Variants in LRRC14 observed in about 807,000 individuals in gnomAD.
LRRC14 encodes leucine-rich repeat-containing protein 14.
A neutral mutation model predicts 25.3 loss-of-function variants in LRRC14; 16 were observed. That is an observed-to-expected ratio of 0.63 (90% CI 0.43 to 0.96). LRRC14 has a LOEUF of 0.96. Ranked by LOEUF, LRRC14 falls within the 40% of genes least tolerant of loss-of-function variation. The pLI, the probability that LRRC14 is intolerant of heterozygous loss-of-function variation, is 0.00. For missense variants in LRRC14, 594 were observed against 660.5 expected, an observed-to-expected ratio of 0.90 and a Z score of 1.10; for synonymous variants, 359 against 295.1, an observed-to-expected ratio of 1.22 and a Z score of -2.22.
chr8:144,522,384 A>C lies in LRRC14; in HGVS notation c.*906A>C, dbSNP rs925940231. 1.5e-6 allele frequency: 2 copies of C among 1,360,930 alleles called. No homozygotes were observed. The highest frequency in any genetic ancestry group is 1.7e-5 in the South Asian group (1 of 57,262). 84.3% of individuals were successfully genotyped at this position (1,360,930 alleles called of 1,614,324 possible). A position where few individuals can be genotyped will look rare whatever the true frequency, so the allele number is the denominator to read the frequency against. On this transcript the variant is annotated 3_prime_UTR_variant, in exon 4 of 4. Coordinates refer to ENST00000292524, the MANE Select transcript of LRRC14 (RefSeq NM_014665.4). ...TCGCGCCCCACACACGGCTCAGCGC[A>C]CACTGCGCGGCTTCCACCTTTACTG...
In LRRC14 at chr8:144,524,317, C is replaced by A; in HGVS notation, c.*2839C>A. On this transcript the variant is annotated 3_prime_UTR_variant, in exon 4 of 4. Transcript: ENST00000292524. ...AGCAGATCGTGAGGAAAAAGGGCGC[C>A]GAGGTTGGGGGCATGTCTCTCTTCT... 6.2e-7 allele frequency: 1 copy of A among 1,604,466 alleles called. No homozygotes were observed. Among genetic ancestry groups the A allele is most frequent in the South Asian group, 1.1e-5 (1 of 91,036 alleles).
In LRRC14 at chr8:144,521,705, G is replaced by C. The variant is rs1472478683; in HGVS notation, c.*227G>C. ...TGGCTGATCATCTGTGGGCCCCGGG[G>C]CTGGATGTCAGGCCTCCATTGCCCT... is the stretch of plus-strand genomic sequence containing the variant. On this transcript the variant is annotated 3_prime_UTR_variant, in exon 4 of 4. Transcript: ENST00000292524. 8 of 569,806 alleles carry C rather than the reference G, an allele frequency of 1.4e-5. No individual in the cohort carries two copies. The highest frequency in any genetic ancestry group is 2.5e-5 in the Non-Finnish European group (8 of 321,264). The allele number at this position is 569,806 out of a possible 1,614,324, so 35.3% of individuals were successfully genotyped here. A position where few individuals can be genotyped will look rare whatever the true frequency, so the allele number is the denominator to read the frequency against.
chr8:144,524,759 G>A lies in LRRC14; in HGVS notation c.*3281G>A. Reference sequence around the variant, plus strand: ...AAGAGGAGGCGCTTACCCCGTTGCGGGGGTCTTCCTCTCCCTGGGGGCACC... The same window carrying A: ...AAGAGGAGGCGCTTACCCCGTTGCGAGGGTCTTCCTCTCCCTGGGGGCACC... On this transcript the variant is annotated 3_prime_UTR_variant, in exon 4 of 4. Transcript: ENST00000292524. The A allele has an allele frequency of 5.6e-6, 8 of 1,434,324 alleles. No homozygotes were observed. Among genetic ancestry groups the A allele is most frequent in the Non-Finnish European group, 7.3e-6 (8 of 1,099,570 alleles). 88.8% of individuals were successfully genotyped at this position (1,434,324 alleles called of 1,614,324 possible). A position where few individuals can be genotyped will look rare whatever the true frequency, so the allele number is the denominator to read the frequency against.
In LRRC14 at chr8:144,522,229, G is replaced by T; in HGVS notation, c.*751G>T. On this transcript the variant is annotated 3_prime_UTR_variant, in exon 4 of 4. Transcript: ENST00000292524. ...CCTACTGTGGCCGGCCAGGGCCAGC[G>T]AGGGACCCCCCCCATGCAGAGCTGG... 1 of 458,558 alleles carries T rather than the reference G, an allele frequency of 2.2e-6. No homozygotes were observed. The highest frequency in any genetic ancestry group is 3.5e-6 in the Non-Finnish European group (1 of 286,818). 28.4% of individuals were successfully genotyped at this position (458,558 alleles called of 1,614,324 possible). A position where few individuals can be genotyped will look rare whatever the true frequency, so the allele number is the denominator to read the frequency against.
rs1586855602 is a variant in LRRC14, at chr8:144,523,999, C to A, written c.*2521C>A. On this transcript the variant is annotated 3_prime_UTR_variant, in exon 4 of 4. Transcript: ENST00000292524. ...AGTGTGGCTGCAGGCGGTGGTGCAG[C>A]CTTCCAGACTGCTGCCCAGTTGCCT... The A allele has an allele frequency of 7.7e-7, 1 of 1,297,340 alleles. No homozygotes were observed. The allele number at this position is 1,297,340 out of a possible 1,614,324, so 80.4% of individuals were successfully genotyped here. A position where few individuals can be genotyped will look rare whatever the true frequency, so the allele number is the denominator to read the frequency against.
Position 144,521,533 on chromosome 8 carries a change from G to A in LRRC14, c.*55G>A, listed in dbSNP as rs575595209. On this transcript the variant is annotated 3_prime_UTR_variant, in exon 4 of 4. Transcript: ENST00000292524. ...CCCTGCAGTCTCTTTAGGTAGGCAG[G>A]GCCTTTGCTGGGACCCCTGGTGGAG... 1.3e-6 allele frequency: 2 copies of A among 1,507,040 alleles called. No homozygotes were observed. Among genetic ancestry groups the A allele is most frequent in the East Asian group, 4.6e-5 (2 of 43,044 alleles). 93.4% of individuals were successfully genotyped at this position (1,507,040 alleles called of 1,614,324 possible). A position where few individuals can be genotyped will look rare whatever the true frequency, so the allele number is the denominator to read the frequency against.
chr8:144,522,240 C>G lies in LRRC14; in HGVS notation c.*762C>G, dbSNP rs1386052703. On this transcript the variant is annotated 3_prime_UTR_variant, in exon 4 of 4. Transcript: ENST00000292524. Reference sequence around the variant, plus strand: ...CGGCCAGGGCCAGCGAGGGACCCCCCCCATGCAGAGCTGGAGGTTGGGGTG... The same window carrying G: ...CGGCCAGGGCCAGCGAGGGACCCCCGCCATGCAGAGCTGGAGGTTGGGGTG... The G allele has an allele frequency of 7.7e-6, 4 of 519,440 alleles. No homozygotes were observed. Among genetic ancestry groups the G allele is most frequent in the Non-Finnish European group, 1.2e-5 (4 of 326,174 alleles). 32.2% of individuals were successfully genotyped at this position (519,440 alleles called of 1,614,324 possible). A position where few individuals can be genotyped will look rare whatever the true frequency, so the allele number is the denominator to read the frequency against.
At chr8:144,519,015 G>A (rs35904477) in intron 1 of LRRC14, among the ~76,000 whole-genome samples, 27 of 152,370 alleles carry the variant, frequency 1.8e-4, no homozygotes, top group Middle Eastern at 3.4e-3. Flanking sequence ...GGTGAGGGTT[G>A]CTTTCTTTCG....
Position 144,521,258 on chromosome 8 carries a change from C to A in LRRC14, c.1262C>A (p.Ala421Asp). 6.2e-7 allele frequency: 1 copy of A among 1,613,220 alleles called. No individual in the cohort carries two copies. The highest frequency in any genetic ancestry group is 8.5e-7 in the Non-Finnish European group (1 of 1,180,034). The change falls in exon 4 of 4, where the codon GCT becomes GAT. Residue 421 changes from alanine (A) to aspartate (D), a missense_variant. Ala to Asp is a moderately radical substitution (Grantham distance 126, BLOSUM62 -2). Coordinates refer to ENST00000292524, the MANE Select transcript of LRRC14 (RefSeq NM_014665.4). ...CTGCTGCGGGACTCAGTGGCACAGG[C>A]TGAGCTGCGTACTGTGGTGCACCCC... ...KELLRDSVAQ[A>D]ELRTVVHPFP...
intron 1 of LRRC14, chr8:144,518,854 G>C (rs1815691126): frequency 6.6e-6 from 1 of 152,316 alleles, no homozygotes; most frequent in Admixed American, 6.5e-5. Flanking sequence ...CATCTCTGCA[G>C]CTTGGGTGCT....
chr8:144,518,003 T>G lies in LRRC14; in HGVS notation c.-150T>G. On this transcript the variant is annotated 5_prime_UTR_variant, in exon 1 of 4. Coordinates refer to ENST00000292524, the MANE Select transcript of LRRC14 (RefSeq NM_014665.4). ...GCCGGGCGGGGAGCGGCGGACGGTCTAGGCGGGGCTGGAGGCGGTGGCTGC... is the reference window on the plus strand; with the variant it reads ...GCCGGGCGGGGAGCGGCGGACGGTCGAGGCGGGGCTGGAGGCGGTGGCTGC... The G allele has an allele frequency of 8.9e-6, 2 of 224,984 alleles. No individual in the cohort carries two copies. The highest frequency in any genetic ancestry group is 1.1e-4 in the East Asian group (1 of 8,832). 13.9% of individuals were successfully genotyped at this position (224,984 alleles called of 1,614,324 possible). A position where few individuals can be genotyped will look rare whatever the true frequency, so the allele number is the denominator to read the frequency against.
In LRRC14 at chr8:144,519,515, G is replaced by A. The variant is rs1186296928; in HGVS notation, c.-111-100G>A. The A allele has an allele frequency of 5.0e-6, 3 of 594,766 alleles. No individual in the cohort carries two copies. In the East Asian group the frequency reaches 8.3e-5, roughly 17 times the overall value. The allele number at this position is 594,766 out of a possible 1,614,324, so 36.8% of individuals were successfully genotyped here. A position where few individuals can be genotyped will look rare whatever the true frequency, so the allele number is the denominator to read the frequency against. Reference sequence around the variant, plus strand: ...GCATCTGGAGGGCTGGGGCTGAGTTGTGAGTTTGTCTGCCAGTTCACTGCA... The same window carrying A: ...GCATCTGGAGGGCTGGGGCTGAGTTATGAGTTTGTCTGCCAGTTCACTGCA... On this transcript the variant is annotated intron_variant, in intron 1 of 3. Transcript: ENST00000292524.
rs1816137393 is a variant in LRRC14 at position 144,522,460 on chromosome 8, C to G, written c.*982C>G. ...GCCAATCTCCGGCGCCCACGTCATC[C>G]GCGCGCCCGCGGCCCTAGCAGTGGA... is the stretch of plus-strand genomic sequence containing the variant. On this transcript the variant is annotated 3_prime_UTR_variant, in exon 4 of 4. Coordinates refer to ENST00000292524, the MANE Select transcript of LRRC14 (RefSeq NM_014665.4). 1.4e-6 allele frequency: 2 copies of G among 1,403,446 alleles called. No homozygotes were observed. Among genetic ancestry groups the G allele is most frequent in the Non-Finnish European group, 1.8e-6 (2 of 1,087,192 alleles). 86.9% of individuals were successfully genotyped at this position (1,403,446 alleles called of 1,614,324 possible).
rs557347814 is a variant in LRRC14, at chr8:144,524,912, G to C, written c.*3434G>C. 2 of 1,514,436 alleles carry C rather than the reference G, an allele frequency of 1.3e-6. No individual in the cohort carries two copies. Among genetic ancestry groups the C allele is most frequent in the South Asian group, 2.4e-5 (2 of 82,770 alleles). The allele number at this position is 1,514,436 out of a possible 1,614,324, so 93.8% of individuals were successfully genotyped here. ...AGCAGCGGCAGGCTGCTGGGCAGCCGGCGGCGCGGAGCGGCAGTAGTAGCA... is the reference window on the plus strand; with the variant it reads ...AGCAGCGGCAGGCTGCTGGGCAGCCCGCGGCGCGGAGCGGCAGTAGTAGCA... On this transcript the variant is annotated 3_prime_UTR_variant, in exon 4 of 4. Coordinates refer to ENST00000292524, the MANE Select transcript of LRRC14 (RefSeq NM_014665.4).
chr8:144,523,474 G>A lies in LRRC14; in HGVS notation c.*1996G>A. On this transcript the variant is annotated 3_prime_UTR_variant, in exon 4 of 4. Transcript: ENST00000292524. ...TGCTAAAACAGCCTGTGCAGTTGGG[G>A]TTTTGCAGGCCAGGACAGAGGCCTC... 2 of 1,487,818 alleles carry A rather than the reference G, an allele frequency of 1.3e-6. No homozygotes were observed. The highest frequency in any genetic ancestry group is 1.8e-6 in the Non-Finnish European group (2 of 1,125,822). 92.2% of individuals were successfully genotyped at this position (1,487,818 alleles called of 1,614,324 possible). A position where few individuals can be genotyped will look rare whatever the true frequency, so the allele number is the denominator to read the frequency against.
In LRRC14 at chr8:144,521,745, C is replaced by T. The variant is rs1454298878; in HGVS notation, c.*267C>T. The T allele has an allele frequency of 1.6e-5, 8 of 488,904 alleles. No individual in the cohort carries two copies. In the Admixed American group the frequency reaches 2.6e-4, roughly 16 times the overall value. The allele number at this position is 488,904 out of a possible 1,614,324, so 30.3% of individuals were successfully genotyped here. On this transcript the variant is annotated 3_prime_UTR_variant, in exon 4 of 4. Coordinates refer to ENST00000292524, the MANE Select transcript of LRRC14 (RefSeq NM_014665.4). Reference sequence around the variant, plus strand: ...TCCATTGCCCTGCTCAGTTTGGCTGCATTTGGCTGCCGTCTGGGGTCCTGG... The same window carrying T: ...TCCATTGCCCTGCTCAGTTTGGCTGTATTTGGCTGCCGTCTGGGGTCCTGG...
In LRRC14 at chr8:144,524,466, A is replaced by G; in HGVS notation, c.*2988A>G. 1 of 1,597,824 alleles carries G rather than the reference A, an allele frequency of 6.3e-7. No homozygotes were observed. The highest frequency in any genetic ancestry group is 8.5e-7 in the Non-Finnish European group (1 of 1,179,808). On this transcript the variant is annotated 3_prime_UTR_variant, in exon 4 of 4. Transcript: ENST00000292524. ...CGGCAGGTGCAAGAAGGTGAAATCCAGCAGCCGCGCCAGCTGGTTGCCCGC... is the reference window on the plus strand; with the variant it reads ...CGGCAGGTGCAAGAAGGTGAAATCCGGCAGCCGCGCCAGCTGGTTGCCCGC...
chr8:144,521,487 C>T lies in LRRC14; in HGVS notation c.*9C>T. The T allele has an allele frequency of 6.3e-7, 1 of 1,590,142 alleles. No individual in the cohort carries two copies. The highest frequency in any genetic ancestry group is 8.5e-7 in the Non-Finnish European group (1 of 1,172,406). On this transcript the variant is annotated 3_prime_UTR_variant, in exon 4 of 4. Coordinates refer to ENST00000292524, the MANE Select transcript of LRRC14 (RefSeq NM_014665.4). ...ACTACTTCAGCCTATGATGAAGTAG[C>T]TCTGGGTGAGACACAGGCCGCCCTG...
At position 144,524,716 on chromosome 8, in the gene LRRC14, G is replaced by T; in HGVS notation, c.*3238G>T. The stretch of plus-strand genomic sequence containing the variant: ...GCGATGTTGTTGTCCTGCAGGAACA[G>T]TGTCTGCAGGCCGGGGAAAGAGGAG... On this transcript the variant is annotated 3_prime_UTR_variant, in exon 4 of 4. Coordinates refer to ENST00000292524, the MANE Select transcript of LRRC14 (RefSeq NM_014665.4). 1 of 1,452,702 alleles carries T rather than the reference G, an allele frequency of 6.9e-7. No individual in the cohort carries two copies. Among genetic ancestry groups the T allele is most frequent in the South Asian group, 1.4e-5 (1 of 71,778 alleles). 90.0% of individuals were successfully genotyped at this position (1,452,702 alleles called of 1,614,324 possible). A position where few individuals can be genotyped will look rare whatever the true frequency, so the allele number is the denominator to read the frequency against.
Sources: gnomAD v4.1 joint callset for allele counts (sites outside exome capture counted in the v4.1 genomes callset) on GRCh38, gnomAD v4.1.1 for gene constraint, MANE v1.5 for transcripts, NCBI Gene and HGNC (gene_info 2026-07-23, HGNC 2026-07-21) for gene names.